SHISAL1: variants seen among roughly 807,000 people sequenced by gnomAD.
SHISAL1 encodes protein shisa-like-1.
SHISAL1 carries 9 observed loss-of-function variants against 22.6 expected under a neutral mutation model. The observed-to-expected ratio is 0.40, with a 90% CI of 0.24 to 0.70. The LOEUF is 0.70. Among genes scored for constraint, SHISAL1 ranks in the 30% least tolerant of loss-of-function variants. The pLI, the probability that SHISAL1 is intolerant of heterozygous loss-of-function variation, is 0.39. For missense variants in SHISAL1, 246 were observed against 270.6 expected (o/e 0.91, Z 0.64); for synonymous variants, 119 against 115.4 (o/e 1.03, Z -0.20).
In SHISAL1 at chr22:44,245,003, C is replaced by T. The variant is rs900077185; in HGVS notation, c.*4682G>A. 3.9e-5 allele frequency: 6 copies of T among 152,266 alleles called. No individual in the cohort carries two copies. The highest frequency in any genetic ancestry group is 1.4e-4 in the African/African-American group (6 of 41,436). 9.4% of individuals were successfully genotyped at this position (152,266 alleles called of 1,614,324 possible). On this transcript the variant is annotated 3_prime_UTR_variant, in exon 5 of 5. Coordinates refer to ENST00000381176, the MANE Select transcript of SHISAL1 (RefSeq NM_001099294.2). ...ATAGTAAGTGCGCAGGCTTGTCTTC[C>T]AGAGGGCACAGGGTATGGCCCCAGC... is the stretch of plus-strand genomic sequence containing the variant.
At chr22:44,289,263 A>T in intron 3 of SHISAL1, among the ~76,000 whole-genome samples, 1 of 152,176 alleles carries the variant, frequency 6.6e-6, no homozygotes, top group East Asian at 1.9e-4. Context: ...CAGCACTGGG[A>T]GCTGGACCCA....
chr22:44,267,571 G>C (rs1034052917), intron 4 of SHISAL1, among the ~76,000 whole-genome samples: 2 of 152,122 alleles, frequency 1.3e-5, no homozygotes, highest in African/African-American at 4.8e-5. Context: ...AGGCAAATGC[G>C]TCCTGTCACT....
intron 3 of SHISAL1, among the ~76,000 whole-genome samples, chr22:44,291,494 A>C (rs916334400): frequency 6.6e-6 from 1 of 152,192 alleles, no homozygotes; most frequent in African/African-American, 2.4e-5. Flanking sequence ...GGGTGTCAGC[A>C]TGAGTCAGGC....
At chr22:44,316,612 G>C (rs919345937), upstream of SHISAL1, among the ~76,000 whole-genome samples, 1 of 152,200 alleles carries the variant, frequency 6.6e-6, no homozygotes, top group Non-Finnish European at 1.5e-5. Flanking sequence ...CAAACAGGCA[G>C]CCCCAGTTTG....
chr22:44,326,602 T>C, the SHISAL1 span, among the ~76,000 whole-genome samples: 2 of 152,130 alleles, frequency 1.3e-5, no homozygotes, highest in Non-Finnish European at 2.9e-5. Context: ...GGGAAACTCA[T>C]GCATTATTTC....
chr22:44,327,208 C>T, the SHISAL1 span, among the ~76,000 whole-genome samples: 10 of 151,736 alleles, frequency 6.6e-5, no homozygotes, highest in Non-Finnish European at 5.9e-5. Context: ...ACCCTGCCCA[C>T]CCCCTTGAGG....
At chr22:44,318,102 C>T in the SHISAL1 span, among the ~76,000 whole-genome samples, 1 of 152,248 alleles carries the variant, frequency 6.6e-6, no homozygotes, top group Non-Finnish European at 1.5e-5. Context: ...TCCAGGAGCC[C>T]ACCGTGGGGG....
chr22:44,311,755 C>T (rs998874763), intron 1 of SHISAL1, among the ~76,000 whole-genome samples: 1 of 152,234 alleles, frequency 6.6e-6, no homozygotes, highest in Non-Finnish European at 1.5e-5. Flanking sequence ...CACACTGGGT[C>T]ACAGGGCGAG....
chr22:44,319,450 C>T, the SHISAL1 span, among the ~76,000 whole-genome samples: 1 of 152,238 alleles, frequency 6.6e-6, no homozygotes, highest in Non-Finnish European at 1.5e-5. Context: ...GGAGCTGCCA[C>T]TCCCTGAAAT....
At chr22:44,260,897 C>T (rs529401575) in intron 4 of SHISAL1, among the ~76,000 whole-genome samples, 8 of 152,014 alleles carry the variant, frequency 5.3e-5, no homozygotes, top group Non-Finnish European at 1.5e-5. Context: ...CCCTGGAGGG[C>T]AATGTGGCTT....
the SHISAL1 span, among the ~76,000 whole-genome samples, chr22:44,318,880 G>A: frequency 6.6e-6 from 1 of 152,226 alleles, no homozygotes; most frequent in African/African-American, 2.4e-5. Context: ...CTCATATGTG[G>A]CAGACTTGGG....
intron 4 of SHISAL1, among the ~76,000 whole-genome samples, chr22:44,274,361 C>T (rs1478156437): frequency 2.6e-5 from 4 of 152,082 alleles, no homozygotes; most frequent in African/African-American, 9.7e-5. Context: ...ATGAGGCTGG[C>T]GCTGGAATCG....
At position 44,244,949 on chromosome 22, in the gene SHISAL1, A is replaced by C. The variant is rs560009692; in HGVS notation, c.*4736T>G. On this transcript the variant is annotated 3_prime_UTR_variant, in exon 5 of 5. Coordinates refer to ENST00000381176, the MANE Select transcript of SHISAL1 (RefSeq NM_001099294.2). ...GGACGTGTTGGTGCTACAGCAAGGA[A>C]CTAGGGCACTGTGCATGGCATCTGG... The C allele has an allele frequency of 4.5e-4, 68 of 152,394 alleles. No individual in the cohort carries two copies. The highest frequency in any genetic ancestry group is 1.5e-3 in the African/African-American group (63 of 41,588). 9.4% of individuals were successfully genotyped at this position (152,394 alleles called of 1,614,324 possible).
At chr22:44,295,289 T>C (rs9614431) in intron 3 of SHISAL1, among the ~76,000 whole-genome samples, 1 of 151,874 alleles carries the variant, frequency 6.6e-6, no homozygotes, top group Non-Finnish European at 1.5e-5. Context: ...GGAAAAGAGA[T>C]GGCCAATTTA....
At chr22:44,277,449 C>CAAACAAAACA (rs59568852) in intron 4 of SHISAL1, among the ~76,000 whole-genome samples, 7,670 of 150,538 alleles carry the variant, frequency 0.051, 257 homozygotes, top group African/African-American at 0.078. Flanking sequence ...ACTCTGCCTC[C>CAAACAAAACA]AAACAAAACA....
chr22:44,266,768 A>C (rs1441292749), intron 4 of SHISAL1, among the ~76,000 whole-genome samples: 2 of 152,100 alleles, frequency 1.3e-5, no homozygotes, highest in East Asian at 3.9e-4. Context: ...CGTGCTCTGC[A>C]AACTCCCTCA....
At chr22:44,287,612 G>A (rs552593245) in intron 3 of SHISAL1, among the ~76,000 whole-genome samples, 10 of 152,268 alleles carry the variant, frequency 6.6e-5, no homozygotes, top group African/African-American at 2.2e-4. Context: ...TCATGCTAAG[G>A]TGTAAATGAC....
intron 4 of SHISAL1, among the ~76,000 whole-genome samples, chr22:44,279,345 A>G (rs564633327): frequency 6.6e-6 from 1 of 152,308 alleles, no homozygotes; most frequent in South Asian, 2.1e-4. Flanking sequence ...CTGAATTCCA[A>G]TCACAGAAGC....
rs537326919 is a variant in SHISAL1 at position 44,306,270 on chromosome 22, C to T, written c.-32-5293G>A. ...AACTGAGCTCAAGGAGCTCTGACGA[C>T]GATGGCGTGTGTGGAGGGGACCTGG... On this transcript the variant is annotated intron_variant, in intron 1 of 4. Coordinates refer to ENST00000381176, the MANE Select transcript of SHISAL1 (RefSeq NM_001099294.2). Among the ~76,000 whole-genome samples, 10 of 151,800 alleles carry T rather than the reference C, an allele frequency of 6.6e-5. No homozygotes were observed. In the East Asian group the frequency reaches 9.7e-4, roughly 15 times the overall value.
Sources: gnomAD v4.1 joint callset for allele counts (sites outside exome capture counted in the v4.1 genomes callset) on GRCh38, gnomAD v4.1.1 for gene constraint, MANE v1.5 for transcripts, NCBI Gene and HGNC (gene_info 2026-07-23, HGNC 2026-07-21) for gene names.